BRINP3: variants seen among roughly 807,000 people sequenced by gnomAD.
The protein encoded by BRINP3 is BMP/retinoic acid-inducible neural-specific protein 3.
BRINP3 carries 19 observed loss-of-function variants against 71.0 expected under a neutral mutation model. That is an observed-to-expected ratio of 0.27 (90% CI 0.19 to 0.39). The LOEUF (loss-of-function observed/expected upper bound fraction) is 0.39, where lower values mean the gene tolerates loss of function less well. BRINP3 is among the 10% of genes least tolerant of loss of function. The pLI is 1.00. For synonymous variants in BRINP3, 380 were observed against 337.7 expected (o/e 1.13, Z -1.37); for missense variants, 959 against 940.8 (o/e 1.02, Z -0.25).
intron 3 of BRINP3, among the ~76,000 whole-genome samples, chr1:190,265,710 G>C (rs1400645657): frequency 6.6e-6 from 1 of 151,260 alleles, no homozygotes; most frequent in Non-Finnish European, 1.5e-5. Context: ...GCGAGACTCC[G>C]TCTCAAAAAT....
intron 4 of BRINP3, among the ~76,000 whole-genome samples, chr1:190,247,970 C>T (rs1214278001): frequency 2.0e-5 from 3 of 151,792 alleles, no homozygotes; most frequent in Non-Finnish European, 4.4e-5. Context: ...TCATTTGTAC[C>T]TTGAGCCACA....
intron 1 of BRINP3, among the ~76,000 whole-genome samples, chr1:190,463,610 C>T (rs1360357466): frequency 1.3e-5 from 2 of 151,524 alleles, no homozygotes; most frequent in Non-Finnish European, 3.0e-5. Context: ...TGTGTAAAAA[C>T]ACAGATTTTC....
chr1:190,452,429 C>T (rs1462453747), intron 2 of BRINP3, among the ~76,000 whole-genome samples: 1 of 152,192 alleles, frequency 6.6e-6, no homozygotes, highest in Non-Finnish European at 1.5e-5. Flanking sequence ...TAATGAAGGT[C>T]TTCAGGAAGT....
At chr1:190,248,732 A>G (rs945135770) in intron 4 of BRINP3, among the ~76,000 whole-genome samples, 8 of 151,698 alleles carry the variant, frequency 5.3e-5, no homozygotes, top group Non-Finnish European at 1.0e-4. Flanking sequence ...CTCTATGACT[A>G]TATTTATATA....
chr1:190,188,303 T>C (rs143962766), intron 6 of BRINP3, among the ~76,000 whole-genome samples: 15 of 152,302 alleles, frequency 9.8e-5, no homozygotes, highest in African/African-American at 3.4e-4. Context: ...GATCATGTTG[T>C]CTGCAAATAG....
Position 190,152,755 on chromosome 1 carries a change from T to C in BRINP3, c.1184+7913A>G, listed in dbSNP as rs1254946383. Reference sequence around the variant, plus strand: ...ATGAAGAAAAGCAAGCACAACACTATATTTCTACAGACTTTAATTTTATTT... The same window carrying C: ...ATGAAGAAAAGCAAGCACAACACTACATTTCTACAGACTTTAATTTTATTT... On this transcript the variant is annotated intron_variant, in intron 7 of 7. Transcript: ENST00000367462. 3.9e-5 allele frequency among the ~76,000 whole-genome samples: 6 copies of C among 152,062 alleles called. No homozygotes were observed. In the East Asian group the frequency reaches 5.8e-4, roughly 15 times the overall value.
At chr1:190,328,421 A>G in intron 2 of BRINP3, among the ~76,000 whole-genome samples, 1 of 152,106 alleles carries the variant, frequency 6.6e-6, no homozygotes, top group East Asian at 1.9e-4. Context: ...TGAGACTATT[A>G]TGAATACCTC....
At chr1:190,223,083 T>C (rs963425537) in intron 6 of BRINP3, among the ~76,000 whole-genome samples, 3 of 151,954 alleles carry the variant, frequency 2.0e-5, no homozygotes, top group Non-Finnish European at 4.4e-5. Flanking sequence ...CTGCTAACTC[T>C]ACCAAAATTT....
At chr1:190,356,122 T>C (rs1226734342) in intron 2 of BRINP3, among the ~76,000 whole-genome samples, 1 of 151,994 alleles carries the variant, frequency 6.6e-6, no homozygotes, top group Non-Finnish European at 1.5e-5. Flanking sequence ...AAATGTATTC[T>C]ACTAATATTC....
At chr1:190,254,107 T>C (rs1430491449) in intron 4 of BRINP3, among the ~76,000 whole-genome samples, 1 of 152,116 alleles carries the variant, frequency 6.6e-6, no homozygotes, top group Non-Finnish European at 1.5e-5. Flanking sequence ...GAGGCCTCTG[T>C]TCTGTTCCAT....
chr1:190,378,178 A>G (rs2102230844), intron 2 of BRINP3, among the ~76,000 whole-genome samples: 1 of 152,296 alleles, frequency 6.6e-6, no homozygotes, highest in East Asian at 1.9e-4. Flanking sequence ...ATTTGACAGT[A>G]TTGTTTGTCT....
At chr1:190,426,244 C>G (rs533378501) in intron 2 of BRINP3, among the ~76,000 whole-genome samples, 1 of 151,794 alleles carries the variant, frequency 6.6e-6, no homozygotes, top group South Asian at 2.1e-4. Flanking sequence ...CATGCAAATA[C>G]TATGCCATTT....
chr1:190,203,372 G>C (rs917875109), intron 6 of BRINP3, among the ~76,000 whole-genome samples: 3 of 151,240 alleles, frequency 2.0e-5, no homozygotes, highest in African/African-American at 4.9e-5. Context: ...ATTTTTAAAA[G>C]AGGCACATTG....
At chr1:190,187,149 T>G (rs373295573) in intron 6 of BRINP3, among the ~76,000 whole-genome samples, 1 of 152,200 alleles carries the variant, frequency 6.6e-6, no homozygotes, top group East Asian at 1.9e-4. Flanking sequence ...TTAATTCATA[T>G]GCCTATTGGC....
chr1:190,422,689 G>T (rs977860139), intron 2 of BRINP3, among the ~76,000 whole-genome samples: 11 of 151,846 alleles, frequency 7.2e-5, no homozygotes, highest in African/African-American at 2.2e-4. Context: ...GAAAAAGAGA[G>T]CTGAAGTTCG....
intron 2 of BRINP3, among the ~76,000 whole-genome samples, chr1:190,420,669 TTGTAGTCTTCAAACTATCA>T (rs1391224931): frequency 9.2e-5 from 14 of 151,946 alleles, no homozygotes; most frequent in African/African-American, 2.2e-4. Flanking sequence ...TTGTAGAAAA[TTGTAGTCTTCAAACTATCA>T]TGTAGTCTTC....
At chr1:190,386,393 A>G (rs1024592376) in intron 2 of BRINP3, among the ~76,000 whole-genome samples, 1 of 151,750 alleles carries the variant, frequency 6.6e-6, no homozygotes, top group Non-Finnish European at 1.5e-5. Flanking sequence ...GTATAAGGGA[A>G]TAAAGGAAAT....
intron 2 of BRINP3, among the ~76,000 whole-genome samples, chr1:190,303,062 C>T (rs1469060077): frequency 1.3e-5 from 2 of 151,566 alleles, no homozygotes; most frequent in Admixed American, 1.3e-4. Context: ...TTATTTTACA[C>T]TTATAAAAAC....
intron 2 of BRINP3, among the ~76,000 whole-genome samples, chr1:190,408,204 T>A (rs1334160203): frequency 1.4e-4 from 1 of 7,034 alleles, no homozygotes; most frequent in African/African-American, 2.4e-4. Flanking sequence ...TATTTATTTA[T>A]TTTTTTTTTT....
Sources: gnomAD v4.1 joint callset for allele counts (sites outside exome capture counted in the v4.1 genomes callset) on GRCh38, gnomAD v4.1.1 for gene constraint, MANE v1.5 for transcripts, NCBI Gene and HGNC (gene_info 2026-07-23, HGNC 2026-07-21) for gene names.